ZSWIM5: variants seen among roughly 807,000 people sequenced by gnomAD.
The protein encoded by ZSWIM5 is zinc finger SWIM-type containing 5, also known as zinc finger SWIM domain-containing protein 5.
A neutral mutation model predicts 119.6 loss-of-function variants in ZSWIM5; 55 were observed. That is an observed-to-expected ratio of 0.46 (90% CI 0.37 to 0.58). The LOEUF is 0.58. Ranked by LOEUF, ZSWIM5 falls within the 20% of genes least tolerant of loss-of-function variation. The probability of loss-of-function intolerance (pLI) is 0.00; values close to 1 mark genes in which losing one functional copy is unlikely to be tolerated. For missense variants in ZSWIM5, 1,193 were observed against 1,512.8 expected (o/e 0.79, Z 3.51); for synonymous variants, 537 against 606.9 (o/e 0.88, Z 1.69).
intron 1 of ZSWIM5, among the ~76,000 whole-genome samples, chr1:45,183,489 G>A (rs1187123332): frequency 1.3e-5 from 2 of 151,892 alleles, no homozygotes; most frequent in Non-Finnish European, 2.9e-5. Flanking sequence ...CAACAAAATT[G>A]ATACACCGCT....
intron 1 of ZSWIM5, among the ~76,000 whole-genome samples, chr1:45,202,447 T>C (rs1343385766): frequency 6.6e-6 from 1 of 152,092 alleles, no homozygotes; most frequent in Middle Eastern, 3.2e-3. Flanking sequence ...ATTTCCATTA[T>C]TGACTTTGTA....
intron 1 of ZSWIM5, among the ~76,000 whole-genome samples, chr1:45,186,027 T>C (rs1306999702): frequency 6.6e-6 from 1 of 151,682 alleles, no homozygotes; most frequent in Non-Finnish European, 1.5e-5. Flanking sequence ...ATAGACTGGA[T>C]TAAGAAAATG....
Position 45,205,807 on chromosome 1 carries a change from G to C in ZSWIM5, c.544C>G (p.Arg182Gly). Residue 182 changes from arginine (R) to glycine (G), a missense_variant, in exon 1 of 14, where the codon CGG becomes GGG. Arg to Gly is a moderately radical substitution (Grantham distance 125, BLOSUM62 -2). Around this residue, in one of 2 missense-constraint regions of ZSWIM5, gnomAD observed 961 missense variants for 1,290.0 expected, o/e 0.74. Coordinates refer to ENST00000359600, the MANE Select transcript of ZSWIM5 (RefSeq NM_020883.2). ...GCGGEGLPFRRGIRLLDSGSV... is the reference protein window; with the variant it reads ...GCGGEGLPFRGGIRLLDSGSV... The stretch of plus-strand genomic sequence containing the variant: ...CCGCTGTCCAGCAGACGGATGCCCC[G>C]GCGGAACGGGAGCCCCTCGCCACCG... The C allele has an allele frequency of 1.3e-6, 2 of 1,546,072 alleles. No individual in the cohort carries two copies. Among genetic ancestry groups the C allele is most frequent in the Non-Finnish European group, 1.7e-6 (2 of 1,150,604 alleles).
intron 1 of ZSWIM5, among the ~76,000 whole-genome samples, chr1:45,155,860 C>G (rs772333259): frequency 2.0e-5 from 3 of 152,012 alleles, no homozygotes; most frequent in Non-Finnish European, 2.9e-5. Flanking sequence ...AAGAAGGATT[C>G]GATGAACTTT....
At chr1:45,130,684 G>A (rs527801051) in intron 1 of ZSWIM5, among the ~76,000 whole-genome samples, 1 of 152,186 alleles carries the variant, frequency 6.6e-6, no homozygotes, top group Non-Finnish European at 1.5e-5. Flanking sequence ...CAGATTCAGA[G>A]TGTCTTAAAA....
At chr1:45,204,187 T>C (rs1265377022) in intron 1 of ZSWIM5, among the ~76,000 whole-genome samples, 2 of 152,142 alleles carry the variant, frequency 1.3e-5, no homozygotes, top group Non-Finnish European at 2.9e-5. Context: ...TTCTTCCTCA[T>C]CCATCTCTTA....
intron 1 of ZSWIM5, among the ~76,000 whole-genome samples, chr1:45,202,200 T>TA (rs1248623360): frequency 2.0e-5 from 3 of 152,102 alleles, no homozygotes; most frequent in Non-Finnish European, 4.4e-5. Flanking sequence ...CTAACTCACA[T>TA]ATGCCACAGT....
intron 2 of ZSWIM5, among the ~76,000 whole-genome samples, chr1:45,070,937 A>G (rs1373264171): frequency 6.6e-6 from 1 of 152,116 alleles, no homozygotes. Context: ...CTGACTTCTC[A>G]AGTTATCTTA....
chr1:45,164,259 C>T (rs1570169247), intron 1 of ZSWIM5, among the ~76,000 whole-genome samples: 2 of 152,252 alleles, frequency 1.3e-5, no homozygotes, highest in Admixed American at 6.5e-5. Flanking sequence ...CCTTTACAGA[C>T]AAGCAAATGC....
chr1:45,181,536 A>G (rs1226737), intron 1 of ZSWIM5, among the ~76,000 whole-genome samples: 11 of 152,062 alleles, frequency 7.2e-5, no homozygotes, highest in African/African-American at 2.7e-4. Context: ...AACTTCCCCA[A>G]TCTAGCAAGG....
chr1:45,042,408 G>A (rs1645022426), intron 6 of ZSWIM5, among the ~76,000 whole-genome samples: 1 of 152,156 alleles, frequency 6.6e-6, no homozygotes, highest in Non-Finnish European at 1.5e-5. Context: ...TTACGTTTCA[G>A]AAGTGCTGGA....
At chr1:45,190,132 G>A (rs1437015394) in intron 1 of ZSWIM5, among the ~76,000 whole-genome samples, 1 of 151,990 alleles carries the variant, frequency 6.6e-6, no homozygotes, top group African/African-American at 2.4e-5. Context: ...TGGGCAACAT[G>A]GAAAAACCCT....
At position 45,038,950 on chromosome 1, in the gene ZSWIM5, T is replaced by C. The variant is rs371499883; in HGVS notation, c.1880A>G (p.Tyr627Cys). 1.2e-6 allele frequency: 2 copies of C among 1,613,640 alleles called. No homozygotes were observed. The highest frequency in any genetic ancestry group is 1.7e-6 in the Non-Finnish European group (2 of 1,180,012). Residue 627 changes from tyrosine (Y) to cysteine (C), a missense_variant, in exon 8 of 14, where the codon TAT becomes TGT. Around this residue, in one of 2 missense-constraint regions of ZSWIM5, gnomAD observed 961 missense variants for 1,290.0 expected, o/e 0.74. Transcript: ENST00000359600. ...GACCCCTGTACCTGACATCTCCAGATAGCCATCATCATTCAGGCGGCAGGC... is the reference window on the plus strand; with the variant it reads ...GACCCCTGTACCTGACATCTCCAGACAGCCATCATCATTCAGGCGGCAGGC... Reference protein sequence around the residue: ...TEACRLNDDGYLEMSDMNESR... With the variant: ...TEACRLNDDGCLEMSDMNESR...
chr1:45,175,553 G>T (rs541327976), intron 1 of ZSWIM5, among the ~76,000 whole-genome samples: 1 of 151,836 alleles, frequency 6.6e-6, no homozygotes, highest in Non-Finnish European at 1.5e-5. Context: ...GGGCCCAAGC[G>T]ATCCTCCCAC....
At position 45,205,810 on chromosome 1, in the gene ZSWIM5, G is replaced by A. The variant is rs753413600; in HGVS notation, c.541C>T (p.Arg181Cys). The A allele has an allele frequency of 1.3e-6, 2 of 1,543,196 alleles. No individual in the cohort carries two copies. The highest frequency in any genetic ancestry group is 1.7e-6 in the Non-Finnish European group (2 of 1,149,008). The change falls in exon 1 of 14, where the codon CGC (arginine) becomes TGC (cysteine). Residue 181 changes from arginine (R) to cysteine (C), a missense_variant. By Grantham distance (180) the Arg-to-Cys change is radical. Coordinates refer to ENST00000359600, the MANE Select transcript of ZSWIM5 (RefSeq NM_020883.2). ...AGCGGEGLPFRRGIRLLDSGS... is the reference protein window; with the variant it reads ...AGCGGEGLPFCRGIRLLDSGS... ...CTGTCCAGCAGACGGATGCCCCGGC[G>A]GAACGGGAGCCCCTCGCCACCGCAG...
At chr1:45,133,389 T>C (rs568799610) in intron 1 of ZSWIM5, among the ~76,000 whole-genome samples, 3 of 152,364 alleles carry the variant, frequency 2.0e-5, no homozygotes, top group Admixed American at 1.3e-4. Context: ...TTTTCATGTG[T>C]CTGTTGGCTG....
intron 1 of ZSWIM5, among the ~76,000 whole-genome samples, chr1:45,148,595 T>A (rs1334834187): frequency 6.6e-6 from 1 of 152,124 alleles, no homozygotes; most frequent in Non-Finnish European, 1.5e-5. Context: ...TGCTTAAGGA[T>A]CAAATTGGTT....
intron 1 of ZSWIM5, among the ~76,000 whole-genome samples, chr1:45,166,505 A>G (rs888182558): frequency 3.3e-5 from 5 of 152,098 alleles, no homozygotes; most frequent in African/African-American, 4.8e-5. Flanking sequence ...AGGGTACTCA[A>G]TTAGGAAAAG....
intron 2 of ZSWIM5, among the ~76,000 whole-genome samples, chr1:45,068,107 C>CTA (rs1645196870): frequency 8.8e-6 from 1 of 113,288 alleles, no homozygotes; most frequent in East Asian, 2.6e-4. Context: ...TTTTTTTTTT[C>CTA]TTTTTTTTTT....
Sources: gnomAD v4.1 joint callset for allele counts (sites outside exome capture counted in the v4.1 genomes callset) on GRCh38, gnomAD v4.1.1 for gene constraint, gnomAD v4.1.1 regional missense constraint, MANE v1.5 for transcripts, NCBI Gene and HGNC (gene_info 2026-07-23, HGNC 2026-07-21) for gene names.